EBF3: variants seen among roughly 807,000 people sequenced by gnomAD.
EBF3 encodes the protein EBF transcription factor 3, also known as transcription factor COE3.
EBF3 carries 18 observed loss-of-function variants against 77.1 expected under a neutral mutation model. The ratio of observed to expected loss-of-function variants is 0.23; its 90% CI spans 0.16 to 0.35. The LOEUF is 0.35. Among genes scored for constraint, EBF3 ranks in the 10% least tolerant of loss-of-function variants. The probability of loss-of-function intolerance (pLI) is 1.00; values close to 1 mark genes in which losing one functional copy is unlikely to be tolerated. For synonymous variants in EBF3, 350 were observed against 343.5 expected (o/e 1.02, Z -0.21); for missense variants, 558 against 860.0 (o/e 0.65, Z 4.39).
intron 6 of EBF3, among the ~76,000 whole-genome samples, chr10:129,916,369 G>A (rs553189060): frequency 1.3e-5 from 2 of 152,352 alleles, no homozygotes; most frequent in South Asian, 4.1e-4. Flanking sequence ...ACCACCTCAT[G>A]CTCAGCAAGA....
intron 6 of EBF3, among the ~76,000 whole-genome samples, chr10:129,946,645 A>G (rs1413131309): frequency 6.6e-6 from 1 of 152,204 alleles, no homozygotes; most frequent in South Asian, 2.1e-4. Flanking sequence ...GGCGTGCCAC[A>G]CTGCAGACGA....
intron 6 of EBF3, among the ~76,000 whole-genome samples, chr10:129,884,675 C>T (rs1226680745): frequency 3.3e-5 from 5 of 152,136 alleles, no homozygotes; most frequent in African/African-American, 7.2e-5. Flanking sequence ...CCTCTCCAGG[C>T]GAGAGGTCTG....
chr10:129,909,456 C>T (rs1485956561), intron 6 of EBF3, among the ~76,000 whole-genome samples: 1 of 152,212 alleles, frequency 6.6e-6, no homozygotes. Context: ...GTGACACTCC[C>T]TCGGAACAGC....
chr10:129,902,862 T>C (rs12570436), intron 6 of EBF3, among the ~76,000 whole-genome samples: 14,287 of 152,244 alleles, frequency 0.094, 877 homozygotes, highest in East Asian at 0.24. Flanking sequence ...GCCCAGGTGC[T>C]CTGAGCCAGC....
chr10:129,840,169 C>A, intron 15 of EBF3, 76 bp downstream of exon 15: 2 of 1,473,742 alleles, frequency 1.4e-6, no homozygotes. Context: ...GGAGAAAGGC[C>A]GAGCCCCCAC....
rs564680349 is a variant in EBF3 at position 129,934,063 on chromosome 10, C to CAATGT, written c.554+23190_554+23194dup. Among the ~76,000 whole-genome samples, 10 of 152,292 alleles carry CAATGT rather than the reference C, an allele frequency of 6.6e-5. No homozygotes were observed. The East Asian group carries it at 1.9e-3, about 29-fold the overall frequency. Reference sequence around the variant, plus strand: ...CAGTTAAATGTGAATTTCGGAGAAGCAATGTCCCTGCTTCTCCAAAATTCA... The same window carrying CAATGT: ...CAGTTAAATGTGAATTTCGGAGAAGCAATGTAATGTCCCTGCTTCTCCAAAATTCA... On this transcript the variant is annotated intron_variant, in intron 6 of 16. Coordinates refer to ENST00000440978, the MANE Select transcript of EBF3 (RefSeq NM_001375380.1).
chr10:129,933,694 T>TATTC (rs1405756174), intron 6 of EBF3, among the ~76,000 whole-genome samples: 1 of 152,224 alleles, frequency 6.6e-6, no homozygotes, highest in Admixed American at 6.5e-5. Context: ...CGATGTCCTC[T>TATTC]ATTCCTTTCA....
At chr10:129,961,879 G>C (rs989706582) in intron 4 of EBF3, among the ~76,000 whole-genome samples, 3 of 151,992 alleles carry the variant, frequency 2.0e-5, no homozygotes, top group African/African-American at 7.3e-5. Flanking sequence ...AACAAGAGGG[G>C]GGACATCTTG....
chr10:129,933,267 C>T lies in EBF3; in HGVS notation c.554+23991G>A, dbSNP rs549334328. On this transcript the variant is annotated intron_variant, in intron 6 of 16. Coordinates refer to ENST00000440978, the MANE Select transcript of EBF3 (RefSeq NM_001375380.1). ...CACAAACAGCAAACCGCAGGGGATG[C>T]GGCCTCTCGAAAAACAGGCTTTGAA... Among the ~76,000 whole-genome samples, 417 of 152,292 alleles carry T rather than the reference C, an allele frequency of 2.7e-3. 1 individual carries two copies. The highest frequency in any genetic ancestry group is 9.6e-3 in the African/African-American group (401 of 41,568).
chr10:129,852,415 G>A (rs572326314), intron 10 of EBF3, among the ~76,000 whole-genome samples: 5 of 152,284 alleles, frequency 3.3e-5, no homozygotes, highest in Non-Finnish European at 7.3e-5. Context: ...GGCATCAGGC[G>A]CTGAGCTGCA....
chr10:129,851,542 C>A (rs966691753), intron 10 of EBF3, among the ~76,000 whole-genome samples: 67 of 152,262 alleles, frequency 4.4e-4, no homozygotes, highest in African/African-American at 1.5e-3. Context: ...AAAAACAATA[C>A]GTTTCTCAAA....
chr10:129,869,456 C>T (rs960957376), intron 8 of EBF3, among the ~76,000 whole-genome samples: 1 of 152,106 alleles, frequency 6.6e-6, no homozygotes, highest in African/African-American at 2.4e-5. Flanking sequence ...GACAAGAGCC[C>T]TCCAAAGGAC....
intron 10 of EBF3, among the ~76,000 whole-genome samples, chr10:129,855,088 C>G (rs556808405): frequency 1.1e-4 from 17 of 152,356 alleles, no homozygotes; most frequent in Non-Finnish European, 2.5e-4. Flanking sequence ...CTGGGTTTCA[C>G]ACCAGTGACT....
chr10:129,956,678 G>A (rs2134607036), intron 6 of EBF3, among the ~76,000 whole-genome samples: 1 of 152,308 alleles, frequency 6.6e-6, no homozygotes, highest in East Asian at 1.9e-4. Context: ...GAAAATTAAT[G>A]TTGGAACATG....
intron 6 of EBF3, among the ~76,000 whole-genome samples, chr10:129,926,031 T>C (rs993744461): frequency 2.0e-5 from 3 of 152,216 alleles, no homozygotes; most frequent in Non-Finnish European, 2.9e-5. Context: ...GTGGGCAAAG[T>C]GTCACACTGA....
rs12570486 is a variant in EBF3, at chr10:129,939,724, A to C, written c.554+17534T>G. Among the ~76,000 whole-genome samples the C allele has an allele frequency of 1.7e-3, 254 of 152,308 alleles. 3 individuals are homozygous for C. In the East Asian group the frequency reaches 0.04, roughly 24 times the overall value. ...GCTTCTCAGCGATCAATGGAGTTAG[A>C]ATTCCCACGTGGAACCAGAGATCCC... On this transcript the variant is annotated intron_variant, in intron 6 of 16. Transcript: ENST00000440978.
chr10:129,945,426 A>C (rs2134524492), intron 6 of EBF3, among the ~76,000 whole-genome samples: 1 of 152,362 alleles, frequency 6.6e-6, no homozygotes, highest in East Asian at 1.9e-4. Context: ...TGGCCAGTGC[A>C]AAGAAGGTGA....
chr10:129,886,413 C>T (rs1265789709), intron 6 of EBF3, among the ~76,000 whole-genome samples: 1 of 152,220 alleles, frequency 6.6e-6, no homozygotes, highest in Admixed American at 6.5e-5. Context: ...TGCGTGTCAA[C>T]ATATACAAGA....
At chr10:129,890,082 G>A (rs61093302) in intron 6 of EBF3, among the ~76,000 whole-genome samples, 1 of 150,208 alleles carries the variant, frequency 6.7e-6, no homozygotes, top group Non-Finnish European at 1.5e-5. Context: ...TTACCCCGAC[G>A]CTTGGAGACA....
Sources: gnomAD v4.1 joint callset for allele counts (sites outside exome capture counted in the v4.1 genomes callset) on GRCh38, gnomAD v4.1.1 for gene constraint, MANE v1.5 for transcripts, NCBI Gene and HGNC (gene_info 2026-07-23, HGNC 2026-07-21) for gene names.